The following RASSF5 variants were observed in gnomAD, a reference collection of about 807,000 sequenced individuals.
RASSF5 encodes Ras association domain family member 5, also known as ras association domain-containing protein 5.
A neutral mutation model predicts 40.5 loss-of-function variants in RASSF5; 25 were observed. The ratio of observed to expected loss-of-function variants is 0.62; its 90% CI spans 0.45 to 0.86. RASSF5 has a LOEUF of 0.86. Ranked by LOEUF, RASSF5 falls within the 40% of genes least tolerant of loss-of-function variation. The pLI is 0.00. For synonymous variants in RASSF5, 246 were observed against 252.4 expected (o/e 0.97, Z 0.24); for missense variants, 521 against 572.8 (o/e 0.91, Z 0.92).
chr1:206,535,698 T>A lies in RASSF5; in HGVS notation c.458-2474T>A, dbSNP rs1167875765. On this transcript the variant is annotated intron_variant, in intron 1 of 5. Coordinates refer to ENST00000579436, the MANE Select transcript of RASSF5 (RefSeq NM_182663.4). The surrounding 1 kb of genome is among the most constrained non-coding windows in gnomAD (Gnocchi z 5.0). ...GATGTTTTCAGGGTGTGTGTGTGTG[T>A]GTGTCTGTGTGTGTGTGGTGTGTGT... is the stretch of plus-strand genomic sequence containing the variant. Among the ~76,000 whole-genome samples, 2 of 119,532 alleles carry A rather than the reference T, an allele frequency of 1.7e-5. No homozygotes were observed. Among genetic ancestry groups the A allele is most frequent in the Non-Finnish European group, 3.5e-5 (2 of 57,558 alleles). The allele number at this position is 119,532 out of a possible 152,430, so 78.4% of individuals were successfully genotyped here. A position where few individuals can be genotyped will look rare whatever the true frequency, so the allele number is the denominator to read the frequency against.
chr1:206,519,020 G>A (rs1426172118), intron 1 of RASSF5, among the ~76,000 whole-genome samples: 2 of 152,058 alleles, frequency 1.3e-5, no homozygotes, highest in African/African-American at 4.8e-5. Context: ...GAAGGTGCAG[G>A]CTGCATGGGG....
chr1:206,511,541 T>G (rs1352940151), intron 1 of RASSF5, among the ~76,000 whole-genome samples: 1 of 152,226 alleles, frequency 6.6e-6, no homozygotes, highest in East Asian at 1.9e-4. Context: ...TGTCAGTGAA[T>G]GCCACCTGTC....
At chr1:206,532,471 G>T (rs567243298) in intron 1 of RASSF5, among the ~76,000 whole-genome samples, 2 of 152,352 alleles carry the variant, frequency 1.3e-5, no homozygotes, top group Admixed American at 6.5e-5. Flanking sequence ...TTTCTTCAAA[G>T]TCCATTCTCT....
Position 206,560,209 on chromosome 1 carries a change from GC to G in RASSF5, c.579+21918del, listed in dbSNP as rs1558512847. On this transcript the variant is annotated intron_variant, in intron 2 of 5. Coordinates refer to ENST00000579436, the MANE Select transcript of RASSF5 (RefSeq NM_182663.4). This position sits in a 1 kb window ranked among gnomAD's most constrained non-coding sequence, Gnocchi z 5.1. ...AGGGCTGAGCTTGCTTCTATAAATA[GC>G]CTTGTCAGAACAACCTGTGTGGCTG... Among the ~76,000 whole-genome samples, 2 of 152,190 alleles carry G rather than the reference GC, an allele frequency of 1.3e-5. No homozygotes were observed. Among genetic ancestry groups the G allele is most frequent in the Non-Finnish European group, 2.9e-5 (2 of 68,026 alleles).
intron 1 of RASSF5, among the ~76,000 whole-genome samples, chr1:206,526,866 T>C (rs1558499975): frequency 6.6e-6 from 1 of 152,152 alleles, no homozygotes; most frequent in Non-Finnish European, 1.5e-5. Context: ...AGGCATCTCA[T>C]AGCGTTGAAA....
intron 1 of RASSF5, among the ~76,000 whole-genome samples, chr1:206,515,177 CA>C (rs1666714623): frequency 1.3e-5 from 2 of 151,890 alleles, no homozygotes; most frequent in Admixed American, 1.3e-4. Context: ...CTGAAATGTC[CA>C]AAAAAGGAGG....
In RASSF5 at chr1:206,528,669, G is replaced by T. The variant is rs187070477; in HGVS notation, c.458-9503G>T. ...TGTGCAGCATATGTAGGGGCAGGGG[G>T]TATAAAGGAACTTTCTGTATTTCCT... On this transcript the variant is annotated intron_variant, in intron 1 of 5. Coordinates refer to ENST00000579436, the MANE Select transcript of RASSF5 (RefSeq NM_182663.4). Among the ~76,000 whole-genome samples the T allele has an allele frequency of 7.2e-5, 11 of 152,190 alleles. No individual in the cohort carries two copies. The East Asian group carries it at 1.9e-3, about 27-fold the overall frequency.
chr1:206,550,944 GCCAT>G (rs1260025101), intron 2 of RASSF5, among the ~76,000 whole-genome samples: 4 of 152,178 alleles, frequency 2.6e-5, no homozygotes, highest in Non-Finnish European at 5.9e-5. Context: ...GCCCCTTTCT[GCCAT>G]CTTGGAGCAA....
Position 206,507,847 on chromosome 1 carries a change from C to G in RASSF5, c.245C>G (p.Pro82Arg), listed in dbSNP as rs570368124. The change falls in exon 1 of 6, where the codon CCG becomes CGG. Residue 82 changes from proline to arginine, a missense_variant. Pro to Arg is a moderately radical substitution (Grantham distance 103). Coordinates refer to ENST00000579436, the MANE Select transcript of RASSF5 (RefSeq NM_182663.4). ...CCCCGGGCCTCCCGACCCGCTCGCC[C>G]GCTCCGGCCTGGTCTGCAGCAGAGA... ...PPPRASRPAR[P>R]LRPGLQQRLR... The G allele has an allele frequency of 1.5e-5, 22 of 1,451,292 alleles. No individual in the cohort carries two copies. Among genetic ancestry groups the G allele is most frequent in the Non-Finnish European group, 1.9e-5 (21 of 1,108,380 alleles). The allele number at this position is 1,451,292 out of a possible 1,614,324, so 89.9% of individuals were successfully genotyped here. A position where few individuals can be genotyped will look rare whatever the true frequency, so the allele number is the denominator to read the frequency against.
intron 2 of RASSF5, among the ~76,000 whole-genome samples, chr1:206,575,678 T>G (rs1668614606): frequency 6.6e-6 from 1 of 152,172 alleles, no homozygotes; most frequent in Non-Finnish European, 1.5e-5. Flanking sequence ...CACCCTATCT[T>G]ATGTGTAAAA....
intron 1 of RASSF5, among the ~76,000 whole-genome samples, chr1:206,532,608 T>A (rs797022889): frequency 2.6e-4 from 39 of 152,342 alleles, no homozygotes; most frequent in African/African-American, 9.4e-4. Flanking sequence ...GCGCATACGT[T>A]CCCGGATTCA....
chr1:206,558,843 A>C (rs1001813577), intron 2 of RASSF5, among the ~76,000 whole-genome samples: 17 of 152,314 alleles, frequency 1.1e-4, no homozygotes, highest in Admixed American at 1.1e-3. Flanking sequence ...GGGATGTTCC[A>C]GAGGGTGAGG....
chr1:206,518,153 C>T (rs1235199725), intron 1 of RASSF5, among the ~76,000 whole-genome samples: 2 of 152,014 alleles, frequency 1.3e-5, no homozygotes, highest in South Asian at 2.1e-4. Context: ...GCATTTTTAT[C>T]TTATCAAGCT....
chr1:206,586,668 G>A, intron 5 of RASSF5, 158 bp from the exon 6 acceptor site: 1 of 656,438 alleles, frequency 1.5e-6, no homozygotes, highest in Non-Finnish European at 2.7e-6. Context: ...GGCATGCAAA[G>A]CCCAGGCTTC....
At chr1:206,529,332 A>G (rs1553397640) in intron 1 of RASSF5, 14 of 771,870 alleles carry the variant, frequency 1.8e-5, no homozygotes, top group East Asian at 5.0e-5. Context: ...AGTTAACACC[A>G]TCACCACTTT....
Position 206,552,235 on chromosome 1 carries a change from T to C in RASSF5, c.579+13942T>C, listed in dbSNP as rs782156531. ...TCATCTGGGGAGACACCGAGCTCTC[T>C]GCTGTACACAGCCATTGAATGCTGA... On this transcript the variant is annotated intron_variant, in intron 2 of 5. Transcript: ENST00000579436. The surrounding 1 kb of genome is among the most constrained non-coding windows in gnomAD (Gnocchi z 4.1). Among the ~76,000 whole-genome samples, 3 of 152,236 alleles carry C rather than the reference T, an allele frequency of 2.0e-5. No homozygotes were observed. The highest frequency in any genetic ancestry group is 6.5e-5 in the Admixed American group (1 of 15,288).
chr1:206,526,372 T>G (rs1241757801), intron 1 of RASSF5, among the ~76,000 whole-genome samples: 1 of 151,882 alleles, frequency 6.6e-6, no homozygotes, highest in Admixed American at 6.6e-5. Flanking sequence ...TGCAGGATGC[T>G]GAATGCCCCC....
intron 1 of RASSF5, among the ~76,000 whole-genome samples, chr1:206,526,878 T>C (rs1383090267): frequency 6.6e-6 from 1 of 152,128 alleles, no homozygotes; most frequent in African/African-American, 2.4e-5. Flanking sequence ...GCGTTGAAAA[T>C]GACAGCTGCC....
At chr1:206,512,041 G>A (rs1389382221) in intron 1 of RASSF5, among the ~76,000 whole-genome samples, 5 of 152,158 alleles carry the variant, frequency 3.3e-5, no homozygotes, top group South Asian at 2.1e-4. Context: ...AGGTATTTGC[G>A]CACCCAGCAG....
Sources: gnomAD v4.1 joint callset for allele counts (sites outside exome capture counted in the v4.1 genomes callset) on GRCh38, gnomAD v4.1.1 for gene constraint, Gnocchi (gnomAD v3.1) non-coding constraint, MANE v1.5 for transcripts, NCBI Gene and HGNC (gene_info 2026-07-23, HGNC 2026-07-21) for gene names.